Variants in C3orf20 observed in about 807,000 individuals in gnomAD.
C3orf20 encodes uncharacterized protein C3orf20.
Under a neutral mutation model 88.3 loss-of-function variants are expected in C3orf20, and 76 were observed. That is an observed-to-expected ratio of 0.86 (90% confidence interval 0.72 to 1.04). C3orf20 has a LOEUF of 1.04. Among genes scored for constraint, C3orf20 ranks in the 50% least tolerant of loss-of-function variants. The probability of loss-of-function intolerance (pLI) is 0.00; values close to 1 mark genes in which losing one functional copy is unlikely to be tolerated. For synonymous variants in C3orf20, 436 were observed against 437.4 expected (o/e 1.00, Z 0.04); for missense variants, 1,056 against 1,123.3 (o/e 0.94, Z 0.86).
intron 12 of C3orf20, among the ~76,000 whole-genome samples, chr3:14,750,035 C>T (rs1258621058): frequency 6.6e-6 from 1 of 151,486 alleles, no homozygotes; most frequent in Non-Finnish European, 1.5e-5. Context: ...AAAAATATGA[C>T]AATACTTCTT....
intron 7 of C3orf20, among the ~76,000 whole-genome samples, chr3:14,706,198 AAAG>A: frequency 6.6e-6 from 1 of 152,036 alleles, no homozygotes; most frequent in Non-Finnish European, 1.5e-5. Flanking sequence ...GCACTCTGTC[AAAG>A]AAGTGTTATT....
rs997247456 is a variant in C3orf20, at chr3:14,732,644, G to A, written c.1940+3956G>A. Among the ~76,000 whole-genome samples the A allele has an allele frequency of 8.5e-5, 13 of 152,288 alleles. No homozygotes were observed. In the South Asian group the frequency reaches 2.7e-3, roughly 32 times the overall value. On this transcript the variant is annotated intron_variant, in intron 12 of 16. Transcript: ENST00000253697. ...TTATTATCACGACTAGGGAGGGGGT[G>A]CTACTGCCATCTCGTGAGTTGAGGA... is the stretch of plus-strand genomic sequence containing the variant.
At chr3:14,699,695 G>T (rs2033165417) in intron 5 of C3orf20, among the ~76,000 whole-genome samples, 1 of 152,172 alleles carries the variant, frequency 6.6e-6, no homozygotes, top group African/African-American at 2.4e-5. Flanking sequence ...CTTTTTTGGA[G>T]CCATGAGCTG....
intron 9 of C3orf20, among the ~76,000 whole-genome samples, chr3:14,717,583 G>A (rs2033987270): frequency 6.6e-6 from 1 of 152,172 alleles, no homozygotes; most frequent in African/African-American, 2.4e-5. Flanking sequence ...GGCACTGGAT[G>A]TCAGGCTGGG....
chr3:14,677,092 G>T (rs1023261930), intron 1 of C3orf20, among the ~76,000 whole-genome samples: 1 of 152,094 alleles, frequency 6.6e-6, no homozygotes, highest in Non-Finnish European at 1.5e-5. Context: ...GCAGTCACGC[G>T]CTGACATCTG....
intron 9 of C3orf20, among the ~76,000 whole-genome samples, chr3:14,717,552 T>C (rs2124966787): frequency 6.6e-6 from 1 of 152,242 alleles, no homozygotes; most frequent in Non-Finnish European, 1.5e-5. Context: ...GAGGTATGTA[T>C]GGTGTCAGGT....
At chr3:14,697,769 T>C (rs183176170) in intron 5 of C3orf20, among the ~76,000 whole-genome samples, 1,773 of 139,620 alleles carry the variant, frequency 0.013, 15 homozygotes, top group Non-Finnish European at 0.021. Flanking sequence ...GCAAGTGATC[T>C]CATTGTTCAA....
intron 4 of C3orf20, among the ~76,000 whole-genome samples, chr3:14,685,506 GTGTGTA>G (rs1365659073): frequency 2.5e-4 from 37 of 149,846 alleles, no homozygotes; most frequent in Middle Eastern, 6.9e-3. Flanking sequence ...GTGTGTGTGT[GTGTGTA>G]TGTGTGTTAA....
intron 8 of C3orf20, 60 bp from the exon 9 acceptor site, chr3:14,715,229 G>A (rs534846338): frequency 2.9e-5 from 46 of 1,584,498 alleles, no homozygotes; most frequent in African/African-American, 5.4e-5. Flanking sequence ...CATAACCTGC[G>A]GTGATGAGAG....
chr3:14,710,333 C>T lies in C3orf20; in HGVS notation c.1161-3674C>T, dbSNP rs531412369. Among the ~76,000 whole-genome samples, 5 of 151,872 alleles carry T rather than the reference C, an allele frequency of 3.3e-5. No individual in the cohort carries two copies. In the South Asian group the frequency reaches 8.3e-4, roughly 25 times the overall value. On this transcript the variant is annotated intron_variant, in intron 7 of 16. Transcript: ENST00000253697. The stretch of plus-strand genomic sequence containing the variant: ...GTTTTGTTGGTTCTATTTTTCTATT[C>T]TCAATTCTGTTTTTCTCCACTCTGA...
At chr3:14,728,377 G>T in intron 11 of C3orf20, 62 bp from the exon 12 acceptor site, 1 of 1,600,912 alleles carries the variant, frequency 6.2e-7, no homozygotes, top group South Asian at 1.1e-5. Flanking sequence ...TCCAGTCTGG[G>T]ACCAGGGGCA....
chr3:14,726,936 GT>G lies in C3orf20; in HGVS notation c.1603del (p.Tyr535IlefsTer3), dbSNP rs754530358. The G allele has an allele frequency of 2.5e-6, 4 of 1,614,130 alleles. No homozygotes were observed. Among genetic ancestry groups the G allele is most frequent in the Non-Finnish European group, 3.4e-6 (4 of 1,180,012 alleles). On this transcript the variant is annotated frameshift_variant, in exon 11 of 17. Transcript: ENST00000253697. LOFTEE classifies it high-confidence loss of function. ...GAATCAGCAACATGGACGACAAGGTGTATAAGATGAGCCGAGCCCTGGCTGA... is the reference window on the plus strand; with the variant it reads ...GAATCAGCAACATGGACGACAAGGTGATAAGATGAGCCGAGCCCTGGCTGA... ...RRISNMDDKVYKMSRALAEIK... is the reference protein window; with the variant it reads ...RRISNMDDKVXKMSRALAEIK...
At chr3:14,715,782 T>G (rs1202331187) in intron 9 of C3orf20, among the ~76,000 whole-genome samples, 2 of 152,218 alleles carry the variant, frequency 1.3e-5, no homozygotes, top group East Asian at 1.9e-4. Context: ...TAATAAAAAT[T>G]AGCAATTCTA....
At chr3:14,689,720 C>A (rs1456059645) in intron 4 of C3orf20, among the ~76,000 whole-genome samples, 1 of 151,894 alleles carries the variant, frequency 6.6e-6, no homozygotes, top group African/African-American at 2.4e-5. Context: ...GGAGTAATAT[C>A]ACTTTTCGTG....
intron 5 of C3orf20, among the ~76,000 whole-genome samples, chr3:14,690,971 C>CCT (rs1324557399): frequency 6.6e-6 from 1 of 152,234 alleles, no homozygotes; most frequent in Non-Finnish European, 1.5e-5. Context: ...CTTCCTCAGC[C>CCT]CTCACCTCCA....
At chr3:14,739,343 A>G (rs2034830446) in intron 12 of C3orf20, among the ~76,000 whole-genome samples, 1 of 152,220 alleles carries the variant, frequency 6.6e-6, no homozygotes, top group African/African-American at 2.4e-5. Flanking sequence ...TGCATTGTCA[A>G]TGAGCAGTAT....
chr3:14,725,759 A>T (rs899968228), intron 10 of C3orf20, among the ~76,000 whole-genome samples: 15 of 152,168 alleles, frequency 9.9e-5, no homozygotes, highest in Admixed American at 2.6e-4. Context: ...CTTGAGGATT[A>T]AATTCCACAG....
chr3:14,704,019 A>G (rs1331122462), intron 6 of C3orf20, among the ~76,000 whole-genome samples: 1 of 151,908 alleles, frequency 6.6e-6, no homozygotes, highest in African/African-American at 2.4e-5. Flanking sequence ...CTTCCCCACA[A>G]CCTCAGGACT....
chr3:14,724,283 G>C (rs1001305731), intron 10 of C3orf20, among the ~76,000 whole-genome samples: 1 of 152,168 alleles, frequency 6.6e-6, no homozygotes, highest in Non-Finnish European at 1.5e-5. Flanking sequence ...TTGTGGCAAT[G>C]CTTCATTTTT....
Sources: gnomAD v4.1 joint callset for allele counts (sites outside exome capture counted in the v4.1 genomes callset) on GRCh38, gnomAD v4.1.1 for gene constraint, MANE v1.5 for transcripts, NCBI Gene and HGNC (gene_info 2026-07-23, HGNC 2026-07-21) for gene names.